PXK: variants seen among roughly 807,000 people sequenced by gnomAD.
PXK encodes the protein PX domain-containing protein kinase-like protein.
A neutral mutation model predicts 84.7 loss-of-function variants in PXK; 35 were observed. That is an observed-to-expected ratio of 0.41 (90% CI 0.32 to 0.55). The LOEUF (loss-of-function observed/expected upper bound fraction) is 0.55, where lower values mean the gene tolerates loss of function less well. PXK is among the 20% of genes least tolerant of loss of function. The pLI, the probability that PXK is intolerant of heterozygous loss-of-function variation, is 0.21. For missense variants in PXK, 634 were observed against 699.7 expected, an observed-to-expected ratio of 0.91 and a Z score of 1.06; for synonymous variants, 253 against 260.8, an observed-to-expected ratio of 0.97 and a Z score of 0.29.
At chr3:58,372,949 C>T (rs761722030) in intron 3 of PXK, among the ~76,000 whole-genome samples, 13 of 152,022 alleles carry the variant, frequency 8.6e-5, no homozygotes, top group Admixed American at 3.3e-4. Flanking sequence ...CAGCATACAA[C>T]GAAGGGAAAG....
intron 4 of PXK, among the ~76,000 whole-genome samples, chr3:58,386,853 A>G (rs2098556269): frequency 6.6e-6 from 1 of 152,242 alleles, no homozygotes; most frequent in South Asian, 2.1e-4. Flanking sequence ...GGAGTGCTGA[A>G]GTTCCCCTTT....
intron 1 of PXK, among the ~76,000 whole-genome samples, chr3:58,350,895 T>C (rs2097909910): frequency 1.3e-5 from 2 of 152,322 alleles, no homozygotes; most frequent in East Asian, 1.9e-4. Flanking sequence ...GATAGATTTA[T>C]ATGTACGTTA....
At chr3:58,406,741 C>G (rs2059473147) in intron 13 of PXK, among the ~76,000 whole-genome samples, 1 of 152,182 alleles carries the variant, frequency 6.6e-6, no homozygotes, top group Non-Finnish European at 1.5e-5. Flanking sequence ...TCTCCCTCCC[C>G]ACAGCTCCGG....
At chr3:58,391,504 C>CA (rs10691351) in intron 6 of PXK, among the ~76,000 whole-genome samples, 91,805 of 149,950 alleles carry the variant, frequency 0.61, 28,735 homozygotes, top group East Asian at 0.98. Flanking sequence ...GTTTACTTCC[C>CA]AAAAAAAAAA....
chr3:58,362,505 C>T (rs1192761864), intron 1 of PXK, among the ~76,000 whole-genome samples: 1 of 152,204 alleles, frequency 6.6e-6, no homozygotes, highest in Non-Finnish European at 1.5e-5. Context: ...TGTCCAATTG[C>T]TCTGGCATCA....
At position 58,383,812 on chromosome 3, in the gene PXK, T is replaced by G. The variant is rs1025065354; in HGVS notation, c.388+1112T>G. On this transcript the variant is annotated intron_variant, in intron 4 of 17. Transcript: ENST00000356151. The surrounding 1 kb of genome is among the most constrained non-coding windows in gnomAD (Gnocchi z 4.0). ...GAACTATGGATATTGTTACTTTGCT[T>G]GCTAAGAGAATACACCATATCAGAT... Among the ~76,000 whole-genome samples the G allele has an allele frequency of 6.6e-6, 1 of 152,256 alleles. No individual in the cohort carries two copies. The highest frequency in any genetic ancestry group is 2.4e-5 in the African/African-American group (1 of 41,474).
intron 17 of PXK, among the ~76,000 whole-genome samples, chr3:58,418,959 C>T (rs913134132): frequency 1.3e-5 from 2 of 152,160 alleles, no homozygotes; most frequent in Non-Finnish European, 2.9e-5. Context: ...AAAAGGCATA[C>T]AAGTTTATTT....
At chr3:58,410,011 T>C in intron 15 of PXK, 79 bp from the exon 16 acceptor site, 1 of 922,490 alleles carries the variant, frequency 1.1e-6, no homozygotes, top group Middle Eastern at 2.2e-4. Flanking sequence ...GGAAAATATT[T>C]TTATTCTAAC....
At chr3:58,393,495 T>C (rs953900134) in intron 7 of PXK, among the ~76,000 whole-genome samples, 6 of 152,226 alleles carry the variant, frequency 3.9e-5, no homozygotes, top group Admixed American at 2.6e-4. Flanking sequence ...GATTTTTTTT[T>C]CATTAATGGT....
intron 1 of PXK, among the ~76,000 whole-genome samples, chr3:58,344,939 G>T (rs2097790403): frequency 6.6e-6 from 1 of 152,234 alleles, no homozygotes; most frequent in Admixed American, 6.5e-5. Context: ...GCCCATTTCA[G>T]CTCTTCCCCT....
intron 3 of PXK, among the ~76,000 whole-genome samples, chr3:58,377,736 A>G (rs2098455882): frequency 6.6e-6 from 1 of 152,182 alleles, no homozygotes; most frequent in African/African-American, 2.4e-5. Flanking sequence ...TGGATTGTTT[A>G]TATACACAAA....
Position 58,398,584 on chromosome 3 carries a change from A to C in PXK, c.1103-715A>C, listed in dbSNP as rs1429847057. On this transcript the variant is annotated intron_variant, in intron 11 of 17. Transcript: ENST00000356151. The surrounding 1 kb of genome is among the most constrained non-coding windows in gnomAD (Gnocchi z 4.5). ...GGGGAGCTGGAGGACAAGTGAGAGC[A>C]CCTTTAGGAAGGAGGGATGCAGGAA... 2.0e-5 allele frequency among the ~76,000 whole-genome samples: 3 copies of C among 152,094 alleles called. No homozygotes were observed. In the East Asian group the frequency reaches 5.8e-4, roughly 29 times the overall value.
intron 4 of PXK, among the ~76,000 whole-genome samples, chr3:58,389,836 C>G (rs886267545): frequency 6.6e-6 from 1 of 151,480 alleles, no homozygotes; most frequent in South Asian, 2.1e-4. Flanking sequence ...CCCGTTTCTA[C>G]TAAAAATACA....
chr3:58,399,209 G>C lies in PXK; in HGVS notation c.1103-90G>C. ...CACTGTCCTGATCAGCCCGCAGACA[G>C]TTATTGCAAAGTGGTGTTAAACTTT... is the stretch of plus-strand genomic sequence containing the variant. On this transcript the variant is annotated intron_variant, in intron 11 of 17. Coordinates refer to ENST00000356151, the MANE Select transcript of PXK (RefSeq NM_017771.5). This position sits in a 1 kb window ranked among gnomAD's most constrained non-coding sequence, Gnocchi z 4.3. 1 of 1,130,660 alleles carries C rather than the reference G, an allele frequency of 8.8e-7. No homozygotes were observed. The highest frequency in any genetic ancestry group is 1.3e-6 in the Non-Finnish European group (1 of 748,246). 70.0% of individuals were successfully genotyped at this position (1,130,660 alleles called of 1,614,324 possible).
chr3:58,391,435 A>C (rs988937703), intron 6 of PXK, among the ~76,000 whole-genome samples: 21 of 152,190 alleles, frequency 1.4e-4, no homozygotes, highest in Non-Finnish European at 4.4e-5. Flanking sequence ...ACATTTGAAA[A>C]GAAACAAGAA....
At chr3:58,335,757 A>G (rs1355189019) in intron 1 of PXK, among the ~76,000 whole-genome samples, 1 of 152,122 alleles carries the variant, frequency 6.6e-6, no homozygotes, top group Non-Finnish European at 1.5e-5. Context: ...GTCATGTGAT[A>G]TAGGCTGGGC....
In PXK at chr3:58,397,272, G is replaced by T. The variant is rs1157059744; in HGVS notation, c.984+72G>T. Reference sequence around the variant, plus strand: ...GTTATCCCCATGATCTGCCCATGTAGGAAATATGCACCAAGTAGTGAAAGG... The same window carrying T: ...GTTATCCCCATGATCTGCCCATGTATGAAATATGCACCAAGTAGTGAAAGG... On this transcript the variant is annotated intron_variant, in intron 10 of 17. Transcript: ENST00000356151. The surrounding 1 kb of genome is among the most constrained non-coding windows in gnomAD (Gnocchi z 4.7). The T allele has an allele frequency of 1.3e-6, 2 of 1,514,000 alleles. No homozygotes were observed. The highest frequency in any genetic ancestry group is 1.8e-6 in the Non-Finnish European group (2 of 1,099,876). The allele number at this position is 1,514,000 out of a possible 1,614,324, so 93.8% of individuals were successfully genotyped here.
intron 1 of PXK, among the ~76,000 whole-genome samples, chr3:58,357,606 G>T (rs1033267466): frequency 5.3e-5 from 8 of 152,204 alleles, no homozygotes; most frequent in African/African-American, 1.9e-4. Context: ...TAAGACATCT[G>T]TGATGTCACT....
At position 58,369,374 on chromosome 3, in the gene PXK, A is replaced by G. The variant is rs1224403990; in HGVS notation, c.154-57A>G. 2.2e-6 allele frequency: 3 copies of G among 1,359,002 alleles called. No homozygotes were observed. In the African/African-American group the frequency reaches 4.4e-5, roughly 20 times the overall value. 84.2% of individuals were successfully genotyped at this position (1,359,002 alleles called of 1,614,324 possible). A position where few individuals can be genotyped will look rare whatever the true frequency, so the allele number is the denominator to read the frequency against. On this transcript the variant is annotated intron_variant, in intron 2 of 17. Coordinates refer to ENST00000356151, the MANE Select transcript of PXK (RefSeq NM_017771.5). ...ACTAATTCTAATACATATTAAATAA[A>G]GAAATGAAAAGAGATAGTCTTTGCT...
Sources: gnomAD v4.1 joint callset for allele counts (sites outside exome capture counted in the v4.1 genomes callset) on GRCh38, gnomAD v4.1.1 for gene constraint, Gnocchi (gnomAD v3.1) non-coding constraint, MANE v1.5 for transcripts, NCBI Gene and HGNC (gene_info 2026-07-23, HGNC 2026-07-21) for gene names.